The following MAD1L1 variants were observed in gnomAD, a reference collection of about 807,000 sequenced individuals.
The protein encoded by MAD1L1 is mitotic arrest deficient 1 like 1.
Under a neutral mutation model 96.9 loss-of-function variants are expected in MAD1L1, and 95 were observed. The observed-to-expected ratio is 0.98, with a 90% confidence interval of 0.83 to 1.16. The LOEUF (loss-of-function observed/expected upper bound fraction) is 1.16, where lower values mean the gene tolerates loss of function less well. Among genes scored for constraint, MAD1L1 ranks in the 50% most tolerant of loss-of-function variants. The pLI is 0.00. For missense variants in MAD1L1, 1,007 were observed against 954.4 expected (o/e 1.06, Z -0.73); for synonymous variants, 473 against 396.6 (o/e 1.19, Z -2.29).
chr7:2,022,719 C>T (rs1470656257), intron 12 of MAD1L1, among the ~76,000 whole-genome samples: 5 of 152,032 alleles, frequency 3.3e-5, no homozygotes, highest in Admixed American at 6.5e-5. Flanking sequence ...ACAGTATCAA[C>T]GATCATTTCG....
intron 18 of MAD1L1, among the ~76,000 whole-genome samples, chr7:1,886,780 A>G (rs1442224858): frequency 1.3e-5 from 2 of 152,280 alleles, no homozygotes; most frequent in Admixed American, 1.3e-4. Flanking sequence ...GCAGACAGGC[A>G]GAGACCTGCT....
intron 16 of MAD1L1, among the ~76,000 whole-genome samples, chr7:1,950,161 C>A (rs1295647632): frequency 6.6e-6 from 1 of 152,224 alleles, no homozygotes; most frequent in Non-Finnish European, 1.5e-5. Context: ...AGGGGTCTGG[C>A]AGAGCCCGAG....
chr7:2,080,908 G>A (rs541495019), intron 11 of MAD1L1, among the ~76,000 whole-genome samples: 9 of 152,306 alleles, frequency 5.9e-5, no homozygotes, highest in South Asian at 2.1e-4. Context: ...GCTCACAGGC[G>A]GTACCGCCGG....
chr7:2,180,842 TAGAG>T, intron 10 of MAD1L1, among the ~76,000 whole-genome samples: 1 of 152,344 alleles, frequency 6.6e-6, no homozygotes, highest in Non-Finnish European at 1.5e-5. Flanking sequence ...CTTCTGCAAA[TAGAG>T]ACAGTTTTCT....
intron 13 of MAD1L1, among the ~76,000 whole-genome samples, chr7:2,008,923 G>A (rs1203811976): frequency 6.6e-6 from 1 of 152,202 alleles, no homozygotes; most frequent in Non-Finnish European, 1.5e-5. Context: ...CCAGGCTTCA[G>A]GGGCACACAC....
At chr7:2,058,946 AGAGGC>A (rs1784506962) in intron 12 of MAD1L1, among the ~76,000 whole-genome samples, 1 of 96,040 alleles carries the variant, frequency 1.0e-5, no homozygotes, top group Non-Finnish European at 2.0e-5. Flanking sequence ...AGAGGAGAGG[AGAGGC>A]GCGGGGCTAG....
At chr7:1,867,964 G>T (rs963226397) in intron 18 of MAD1L1, among the ~76,000 whole-genome samples, 4 of 152,222 alleles carry the variant, frequency 2.6e-5, no homozygotes, top group Admixed American at 6.5e-5. Context: ...GGCGACAACC[G>T]TCTCTGAGGG....
chr7:2,019,438 G>A (rs1782683406), intron 12 of MAD1L1, among the ~76,000 whole-genome samples: 1 of 152,208 alleles, frequency 6.6e-6, no homozygotes, highest in Non-Finnish European at 1.5e-5. Context: ...GCTCCAATCT[G>A]ACACAGACCA....
intron 13 of MAD1L1, among the ~76,000 whole-genome samples, chr7:2,013,751 G>A (rs997607137): frequency 1.3e-5 from 2 of 152,220 alleles, no homozygotes; most frequent in African/African-American, 4.8e-5. Context: ...TCAAGCTCCA[G>A]GCTGGGAACG....
intron 11 of MAD1L1, among the ~76,000 whole-genome samples, chr7:2,123,722 C>T (rs189892964): frequency 3.4e-4 from 52 of 152,320 alleles, no homozygotes; most frequent in African/African-American, 1.2e-3. Flanking sequence ...TCGCAGGCGG[C>T]GCTGAATCGA....
At chr7:1,872,464 C>T (rs939322489) in intron 18 of MAD1L1, among the ~76,000 whole-genome samples, 8 of 152,222 alleles carry the variant, frequency 5.3e-5, no homozygotes, top group Non-Finnish European at 1.2e-4. Context: ...AGCCTCAGGG[C>T]AGGCAGCTCC....
At chr7:2,147,954 T>C (rs1352278152) in intron 11 of MAD1L1, among the ~76,000 whole-genome samples, 1 of 152,264 alleles carries the variant, frequency 6.6e-6, no homozygotes, top group African/African-American at 2.4e-5. Flanking sequence ...TTTCCTTTAA[T>C]AGTTCATTCT....
intron 10 of MAD1L1, among the ~76,000 whole-genome samples, chr7:2,199,169 G>C (rs1264063904): frequency 1.3e-5 from 2 of 152,256 alleles, no homozygotes; most frequent in African/African-American, 4.8e-5. Flanking sequence ...CATTTGCAAA[G>C]CGAGGAAACT....
intron 12 of MAD1L1, among the ~76,000 whole-genome samples, chr7:2,041,176 C>T (rs984053977): frequency 2.0e-5 from 3 of 152,156 alleles, no homozygotes; most frequent in African/African-American, 7.2e-5. Context: ...CACCTGACAA[C>T]AGGCCCCTGC....
intron 18 of MAD1L1, among the ~76,000 whole-genome samples, chr7:1,879,932 CT>C (rs1278808032): frequency 2.6e-5 from 4 of 152,132 alleles, no homozygotes; most frequent in African/African-American, 9.7e-5. Flanking sequence ...GGATTTCACT[CT>C]GTTAGCCAGG....
In MAD1L1 at chr7:1,939,090, C is replaced by T. The variant is rs1482122719; in HGVS notation, c.1597-2193G>A. Among the ~76,000 whole-genome samples, 2 of 142,848 alleles carry T rather than the reference C, an allele frequency of 1.4e-5. 1 individual carries two copies. Among genetic ancestry groups the T allele is most frequent in the South Asian group, 4.5e-4 (2 of 4,410 alleles). 93.7% of individuals were successfully genotyped at this position (142,848 alleles called of 152,430 possible). A position where few individuals can be genotyped will look rare whatever the true frequency, so the allele number is the denominator to read the frequency against. On this transcript the variant is annotated intron_variant, in intron 16 of 18. Transcript: ENST00000265854. ...GGCCAGAGCCGGGACCAGAGGCGCGCACACACACACGGGCCAGGGCCAGAG... is the reference window on the plus strand; with the variant it reads ...GGCCAGAGCCGGGACCAGAGGCGCGTACACACACACGGGCCAGGGCCAGAG...
At chr7:2,091,546 T>C (rs374756905) in intron 11 of MAD1L1, among the ~76,000 whole-genome samples, 137 of 152,216 alleles carry the variant, frequency 9.0e-4, no homozygotes, top group African/African-American at 3.0e-3. Flanking sequence ...GAGGCCGAGG[T>C]GGGCGGATCA....
At chr7:1,890,078 T>C (rs564629073) in intron 18 of MAD1L1, among the ~76,000 whole-genome samples, 5 of 152,196 alleles carry the variant, frequency 3.3e-5, no homozygotes, top group Non-Finnish European at 1.5e-5. Context: ...TGGGGAATCA[T>C]CTCCTGGGAG....
intron 4 of MAD1L1, among the ~76,000 whole-genome samples, chr7:2,225,093 T>C (rs1793814112): frequency 6.6e-6 from 1 of 152,130 alleles, no homozygotes; most frequent in Admixed American, 6.5e-5. Context: ...GCCACCCTCC[T>C]CTAGGACATC....
Sources: allele counts gnomAD v4.1 joint callset (sites outside exome capture counted in the v4.1 genomes callset), GRCh38; gene constraint gnomAD v4.1.1; transcripts MANE v1.5; gene names NCBI Gene and HGNC (gene_info 2026-07-23, HGNC 2026-07-21).